Variants in YEATS2 observed in about 807,000 individuals in gnomAD.
YEATS2 encodes the protein YEATS domain-containing protein 2.
YEATS2 carries 77 observed loss-of-function variants against 163.2 expected under a neutral mutation model. The observed-to-expected ratio is 0.47, with a 90% CI of 0.39 to 0.57. YEATS2 has a LOEUF of 0.57. Among genes scored for constraint, YEATS2 ranks in the 20% least tolerant of loss-of-function variants. The pLI is 0.00. For missense variants in YEATS2, 1,549 were observed against 1,729.8 expected (o/e 0.90, Z 1.85); for synonymous variants, 631 against 645.1 (o/e 0.98, Z 0.33).
At chr3:183,700,590 T>TTTTC (rs1232272493) in intron 1 of YEATS2, among the ~76,000 whole-genome samples, 1 of 149,692 alleles carries the variant, frequency 6.7e-6, no homozygotes, top group Non-Finnish European at 1.5e-5. Context: ...TTTTCTTTTC[T>TTTTC]TTTCTTTCTT....
intron 12 of YEATS2, among the ~76,000 whole-genome samples, chr3:183,758,178 C>T (rs1392650197): frequency 1.3e-5 from 2 of 151,930 alleles, no homozygotes; most frequent in African/African-American, 4.8e-5. Context: ...GCTAACATGG[C>T]GAAACCCATC....
chr3:183,737,550 G>T (rs1282472347), intron 8 of YEATS2, among the ~76,000 whole-genome samples: 1 of 152,172 alleles, frequency 6.6e-6, no homozygotes, highest in African/African-American at 2.4e-5. Context: ...GTTTCTTGGG[G>T]CTAAGTTACT....
intron 7 of YEATS2, among the ~76,000 whole-genome samples, chr3:183,732,720 C>T (rs984631763): frequency 5.9e-5 from 9 of 151,790 alleles, no homozygotes; most frequent in South Asian, 2.1e-4. Flanking sequence ...CCACCACTCC[C>T]GGCTAACGTT....
rs1176429941 is a variant in YEATS2 at position 183,707,678 on chromosome 3, ATTTTTTTTTT to A, written c.-19-7452_-19-7443del. 3.2e-4 allele frequency among the ~76,000 whole-genome samples: 34 copies of A among 106,124 alleles called. No homozygotes were observed. In the East Asian group the frequency reaches 4.4e-3, roughly 14 times the overall value. 69.6% of individuals were successfully genotyped at this position (106,124 alleles called of 152,430 possible). ...ATTGTACTACTCCCCTTCCCCACCTATTTTTTTTTTTTTTTTTTTTTTTGAGACGAAGTCT... is the reference window on the plus strand; with the variant it reads ...ATTGTACTACTCCCCTTCCCCACCTATTTTTTTTTTTTTGAGACGAAGTCT... On this transcript the variant is annotated intron_variant, in intron 1 of 30. Transcript: ENST00000305135.
At chr3:183,758,049 C>T (rs1265005473) in intron 12 of YEATS2, among the ~76,000 whole-genome samples, 1 of 151,998 alleles carries the variant, frequency 6.6e-6, no homozygotes, top group African/African-American at 2.4e-5. Context: ...GGCAGTTGTA[C>T]AGATGGAGTA....
At position 183,718,419 on chromosome 3, in the gene YEATS2, C is replaced by T. The variant is rs781339726; in HGVS notation, c.199-81C>T. 6.7e-5 allele frequency: 67 copies of T among 997,602 alleles called. 1 individual carries two copies. Among genetic ancestry groups the T allele is most frequent in the Non-Finnish European group, 8.9e-5 (62 of 696,930 alleles). 61.8% of individuals were successfully genotyped at this position (997,602 alleles called of 1,614,324 possible). ...TGAGCTTTTTTTTTTCACTCATTCA[C>T]GTTTCTTATTTTGTGAATTGTTTGT... On this transcript the variant is annotated intron_variant, in intron 3 of 30. Transcript: ENST00000305135.
intron 1 of YEATS2, 89 bp from the exon 2 acceptor site, chr3:183,715,055 T>TA (rs1715693713): frequency 4.3e-6 from 3 of 692,060 alleles, no homozygotes; most frequent in East Asian, 5.5e-5. Flanking sequence ...TTTGTACACA[T>TA]ATATTTGTAA....
At chr3:183,753,748 AAAAT>A (rs2109299284) in intron 10 of YEATS2, among the ~76,000 whole-genome samples, 1 of 152,324 alleles carries the variant, frequency 6.6e-6, no homozygotes, top group East Asian at 1.9e-4. Context: ...TAATGTCTCA[AAAAT>A]AAGTAAATAA....
At chr3:183,722,276 A>ATTTTTTTTTTTTTT (rs1305253544) in intron 5 of YEATS2, 140 bp downstream of exon 5, 1 of 583,038 alleles carries the variant, frequency 1.7e-6, no homozygotes, top group African/African-American at 3.6e-5. Flanking sequence ...GGGAAACCAA[A>ATTTTTTTTTTTTTT]TCTTTTTTTT....
intron 1 of YEATS2, among the ~76,000 whole-genome samples, chr3:183,706,325 C>T (rs901535260): frequency 9.9e-5 from 15 of 152,118 alleles, no homozygotes; most frequent in African/African-American, 3.6e-4. Context: ...GAGAGGGAGA[C>T]AGGGCGCAGT....
At chr3:183,762,630 T>C (rs1721487434) in intron 15 of YEATS2, among the ~76,000 whole-genome samples, 1 of 152,192 alleles carries the variant, frequency 6.6e-6, no homozygotes, top group Admixed American at 6.5e-5. Flanking sequence ...GGTAGGAGAA[T>C]GCTGTAGTTT....
chr3:183,797,709 C>G (rs1259814526), intron 21 of YEATS2, among the ~76,000 whole-genome samples: 1 of 152,172 alleles, frequency 6.6e-6, no homozygotes. Context: ...GAGCGAGACT[C>G]CATCTCAAAA....
At chr3:183,707,678 A>ATTTTTTTTTTT (rs1176429941) in intron 1 of YEATS2, among the ~76,000 whole-genome samples, 67 of 106,114 alleles carry the variant, frequency 6.3e-4, no homozygotes, top group East Asian at 3.5e-3. Context: ...TTCCCCACCT[A>ATTTTTTTTTTT]TTTTTTTTTT....
At chr3:183,764,077 A>C (rs1185695337) in intron 15 of YEATS2, among the ~76,000 whole-genome samples, 1 of 152,030 alleles carries the variant, frequency 6.6e-6, no homozygotes, top group African/African-American at 2.4e-5. Context: ...AAAACAAAAA[A>C]ACAAAAAACA....
At chr3:183,730,501 G>A (rs1020751810) in intron 7 of YEATS2, among the ~76,000 whole-genome samples, 1 of 152,160 alleles carries the variant, frequency 6.6e-6, no homozygotes, top group Non-Finnish European at 1.5e-5. Flanking sequence ...GAACTCTGCT[G>A]CTTCTTTAAC....
chr3:183,806,905 G>C lies in YEATS2; in HGVS notation c.3824G>C (p.Arg1275Pro), dbSNP rs777644621. 1 of 1,613,918 alleles carries C rather than the reference G, an allele frequency of 6.2e-7. No individual in the cohort carries two copies. The highest frequency in any genetic ancestry group is 2.2e-5 in the East Asian group (1 of 44,866). Residue 1275 changes from arginine to proline, a missense_variant, in exon 28 of 31, where the codon CGC (arginine) becomes CCC (proline). Transcript: ENST00000305135. ...TTCTCCTCTGCTGACAACCTCTGCC[G>C]CAAACTGGAGGACCTGCAACAGTTC... ...SSFSSADNLC[R>P]KLEDLQQFQK...
At chr3:183,804,794 TG>T (rs1312339219) in intron 27 of YEATS2, among the ~76,000 whole-genome samples, 1 of 151,000 alleles carries the variant, frequency 6.6e-6, no homozygotes, top group African/African-American at 2.4e-5. Context: ...AAGACCATCT[TG>T]GCTAACACAC....
chr3:183,759,020 T>A lies in YEATS2; in HGVS notation c.1656+55T>A, dbSNP rs574736300. The A allele has an allele frequency of 6.3e-6, 8 of 1,267,292 alleles. No homozygotes were observed. The African/African-American group carries it at 9.3e-5, about 15-fold the overall frequency. 78.5% of individuals were successfully genotyped at this position (1,267,292 alleles called of 1,614,324 possible). ...GCTAGCTTCTTTTTCTTTTCATTTTTAAAAAATAATTTTTCAAATGGAGAT... is the reference window on the plus strand; with the variant it reads ...GCTAGCTTCTTTTTCTTTTCATTTTAAAAAAATAATTTTTCAAATGGAGAT... On this transcript the variant is annotated intron_variant, in intron 13 of 30. Coordinates refer to ENST00000305135, the MANE Select transcript of YEATS2 (RefSeq NM_018023.5).
At chr3:183,764,368 T>TAAA (rs11452949) in intron 15 of YEATS2, among the ~76,000 whole-genome samples, 1,352 of 105,176 alleles carry the variant, frequency 0.013, 27 homozygotes, top group African/African-American at 0.048. Flanking sequence ...AAACTCTGTT[T>TAAA]AAAAAAAAAA....
Sources: allele counts gnomAD v4.1 joint callset (sites outside exome capture counted in the v4.1 genomes callset), GRCh38; gene constraint gnomAD v4.1.1; transcripts MANE v1.5; gene names NCBI Gene and HGNC (gene_info 2026-07-23, HGNC 2026-07-21).